The following ADAM23 variants were observed in gnomAD, a reference collection of about 807,000 sequenced individuals.
The protein encoded by ADAM23 is ADAM metallopeptidase domain 23, also known as disintegrin and metalloproteinase domain-containing protein 23.
A neutral mutation model predicts 120.1 loss-of-function variants in ADAM23; 33 were observed. The ratio of observed to expected loss-of-function variants is 0.27; its 90% CI spans 0.21 to 0.37. The LOEUF (loss-of-function observed/expected upper bound fraction) is 0.37. ADAM23 is among the 10% of genes least tolerant of loss of function. ADAM23 has a pLI of 1.00. For synonymous variants in ADAM23, 367 were observed against 375.2 expected (o/e 0.98, Z 0.25); for missense variants, 862 against 1,058.2 (o/e 0.81, Z 2.57).
rs1004291830 is a variant in ADAM23 at position 206,620,702 on chromosome 2, A to G, written c.*3075A>G. On this transcript the variant is annotated 3_prime_UTR_variant, in exon 26 of 26. Transcript: ENST00000264377. ...GCGCTAACTTCATTGCTCATCTGGG[A>G]TAGTGCATGAGCCCATTGAATTAGA... 1 of 152,182 alleles carries G rather than the reference A, an allele frequency of 6.6e-6. No individual in the cohort carries two copies. Among genetic ancestry groups the G allele is most frequent in the African/African-American group, 2.4e-5 (1 of 41,442 alleles). 9.4% of individuals were successfully genotyped at this position (152,182 alleles called of 1,614,324 possible).
intron 15 of ADAM23, 133 bp from the exon 16 acceptor site, chr2:206,570,607 A>T (rs990012439): frequency 1.6e-6 from 1 of 645,126 alleles, no homozygotes; most frequent in Non-Finnish European, 2.8e-6. Flanking sequence ...CATTTATAAG[A>T]TGCCACAACA....
At chr2:206,481,952 G>C (rs1695906617) in intron 3 of ADAM23, among the ~76,000 whole-genome samples, 1 of 152,190 alleles carries the variant, frequency 6.6e-6, no homozygotes. Flanking sequence ...AGATCTAGCA[G>C]TGAGCCTTTC....
intron 25 of ADAM23, among the ~76,000 whole-genome samples, chr2:206,611,062 T>G (rs1016801513): frequency 6.6e-6 from 1 of 152,216 alleles, no homozygotes; most frequent in African/African-American, 2.4e-5. Context: ...TCAATATGTT[T>G]CAGCCAGTTA....
rs577033610 is a variant in ADAM23 at position 206,571,343 on chromosome 2, C to T, written c.1567-384C>T. Among the ~76,000 whole-genome samples, 177 of 151,876 alleles carry T rather than the reference C, an allele frequency of 1.2e-3. 2 individuals are homozygous for T. Among genetic ancestry groups the T allele is most frequent in the African/African-American group, 4.0e-3 (167 of 41,424 alleles). ...ACAAAAAATTAGCCGGGCGCGGTGG[C>T]GGGCGCCTGTAGTCCCAGCTACTCG... On this transcript the variant is annotated intron_variant, in intron 16 of 25. Transcript: ENST00000264377.
At chr2:206,564,550 C>T (rs1697840301) in intron 13 of ADAM23, among the ~76,000 whole-genome samples, 1 of 152,190 alleles carries the variant, frequency 6.6e-6, no homozygotes, top group African/African-American at 2.4e-5. Context: ...GGTACACCGT[C>T]TAGTGTGAAC....
intron 1 of ADAM23, among the ~76,000 whole-genome samples, chr2:206,444,582 C>T (rs1412382886): frequency 1.3e-5 from 2 of 152,212 alleles, no homozygotes; most frequent in South Asian, 4.1e-4. Flanking sequence ...ATACTTCATG[C>T]ACGACCTTTG....
At chr2:206,485,576 G>A (rs1187077263) in intron 3 of ADAM23, among the ~76,000 whole-genome samples, 1 of 151,592 alleles carries the variant, frequency 6.6e-6, no homozygotes. Context: ...GTTCCTGAGA[G>A]GAGAGCCTGG....
At chr2:206,524,625 T>TAA (rs1383417129) in intron 3 of ADAM23, among the ~76,000 whole-genome samples, 3 of 152,220 alleles carry the variant, frequency 2.0e-5, no homozygotes, top group African/African-American at 7.2e-5. Flanking sequence ...GGGTATGTCT[T>TAA]ACATGGTGGC....
At chr2:206,599,008 C>T (rs942894133) in intron 24 of ADAM23, among the ~76,000 whole-genome samples, 5 of 151,876 alleles carry the variant, frequency 3.3e-5, no homozygotes, top group Non-Finnish European at 4.4e-5. Flanking sequence ...AGTTTGAGAC[C>T]AGCCTGGCCA....
At chr2:206,501,861 T>G (rs2105894111) in intron 3 of ADAM23, among the ~76,000 whole-genome samples, 1 of 152,294 alleles carries the variant, frequency 6.6e-6, no homozygotes, top group East Asian at 1.9e-4. Flanking sequence ...AAAACCAATG[T>G]GTTAAATATA....
At chr2:206,476,479 A>C (rs1355021584) in intron 2 of ADAM23, among the ~76,000 whole-genome samples, 2 of 152,170 alleles carry the variant, frequency 1.3e-5, no homozygotes, top group East Asian at 3.9e-4. Flanking sequence ...ACCTCCTGTC[A>C]GATCAGCAGT....
At chr2:206,529,969 G>A (rs1269066917) in intron 3 of ADAM23, among the ~76,000 whole-genome samples, 9 of 152,088 alleles carry the variant, frequency 5.9e-5, no homozygotes, top group African/African-American at 1.9e-4. Context: ...GTGCCACCAC[G>A]CGCGGCTAAT....
intron 3 of ADAM23, among the ~76,000 whole-genome samples, chr2:206,505,321 C>T (rs956109053): frequency 6.6e-6 from 1 of 152,104 alleles, no homozygotes; most frequent in African/African-American, 2.4e-5. Flanking sequence ...GTCCAAAGTG[C>T]CTTATATGAG....
intron 3 of ADAM23, among the ~76,000 whole-genome samples, chr2:206,523,513 C>G (rs1696886490): frequency 6.6e-6 from 1 of 152,174 alleles, no homozygotes; most frequent in African/African-American, 2.4e-5. Flanking sequence ...TCTCCATGTC[C>G]TCGATCTTTT....
chr2:206,506,146 G>C (rs1696492480), intron 3 of ADAM23, among the ~76,000 whole-genome samples: 1 of 152,130 alleles, frequency 6.6e-6, no homozygotes, highest in African/African-American at 2.4e-5. Flanking sequence ...CCTCATAGAG[G>C]CTACCAGATT....
chr2:206,522,406 G>T (rs1696862798), intron 3 of ADAM23, among the ~76,000 whole-genome samples: 1 of 151,480 alleles, frequency 6.6e-6, no homozygotes, highest in Non-Finnish European at 1.5e-5. Context: ...TATATACCTA[G>T]GAAGAATAGA....
Position 206,492,862 on chromosome 2 carries a change from TAAA to T in ADAM23, c.509+11555_509+11557del, listed in dbSNP as rs1226609796. On this transcript the variant is annotated intron_variant, in intron 3 of 25. Transcript: ENST00000264377. Reference sequence around the variant, plus strand: ...AAACCATAGCAGACGTTTTCAGTGATAAAGAAGTCTGACTAAAAATGTGTTTGA... The same window carrying T: ...AAACCATAGCAGACGTTTTCAGTGATGAAGTCTGACTAAAAATGTGTTTGA... Among the ~76,000 whole-genome samples, 9 of 152,304 alleles carry T rather than the reference TAAA, an allele frequency of 5.9e-5. No homozygotes were observed. The East Asian group carries it at 1.7e-3, about 29-fold the overall frequency.
intron 25 of ADAM23, among the ~76,000 whole-genome samples, chr2:206,617,096 G>GA (rs1173889555): frequency 8.5e-5 from 13 of 152,076 alleles, no homozygotes; most frequent in Admixed American, 8.5e-4. Flanking sequence ...CAAGATAACT[G>GA]AAAAAAGCGA....
At chr2:206,607,364 C>T (rs1479220656) in intron 24 of ADAM23, among the ~76,000 whole-genome samples, 4 of 152,148 alleles carry the variant, frequency 2.6e-5, no homozygotes, top group Non-Finnish European at 5.9e-5. Flanking sequence ...AGGGCCAGCT[C>T]CATGCATGCA....
Sources: gnomAD v4.1 joint callset for allele counts (sites outside exome capture counted in the v4.1 genomes callset) on GRCh38, gnomAD v4.1.1 for gene constraint, MANE v1.5 for transcripts, NCBI Gene and HGNC (gene_info 2026-07-23, HGNC 2026-07-21) for gene names.